The following SSBP3 variants were observed in gnomAD, a reference collection of about 807,000 sequenced individuals.
The protein encoded by SSBP3 is single-stranded DNA-binding protein 3.
A neutral mutation model predicts 69.6 loss-of-function variants in SSBP3; 5 were observed. That is an observed-to-expected ratio of 0.07 (90% CI 0.04 to 0.15). The LOEUF is 0.15. SSBP3 is among the 10% of genes least tolerant of loss of function. SSBP3 has a pLI of 1.00. For missense variants in SSBP3, 312 were observed against 534.0 expected, an observed-to-expected ratio of 0.58 and a Z score of 4.10; for synonymous variants, 196 against 193.4, an observed-to-expected ratio of 1.01 and a Z score of -0.11.
At chr1:54,352,531 C>T (rs1054417974) in intron 4 of SSBP3, among the ~76,000 whole-genome samples, 6 of 152,296 alleles carry the variant, frequency 3.9e-5, no homozygotes, top group East Asian at 1.9e-4. Context: ...CCTGCCTTCA[C>T]CTCCCAGCCT....
At chr1:54,251,276 C>T (rs1051889828) in intron 9 of SSBP3, among the ~76,000 whole-genome samples, 1 of 152,216 alleles carries the variant, frequency 6.6e-6, no homozygotes, top group African/African-American at 2.4e-5. Flanking sequence ...CCAGGGGAGG[C>T]AGCTCTGGGG....
chr1:54,290,684 C>A (rs1171438051), intron 4 of SSBP3, among the ~76,000 whole-genome samples: 1 of 152,178 alleles, frequency 6.6e-6, no homozygotes, highest in Admixed American at 6.5e-5. Context: ...TAATTAGTAC[C>A]TGGTGAGGGA....
chr1:54,374,497 G>A (rs1319518416), intron 4 of SSBP3, among the ~76,000 whole-genome samples: 1 of 152,202 alleles, frequency 6.6e-6, no homozygotes, highest in African/African-American at 2.4e-5. Context: ...CAGGAGAACT[G>A]ACACCAAACA....
intron 4 of SSBP3, among the ~76,000 whole-genome samples, chr1:54,393,710 T>C (rs1331956921): frequency 6.6e-6 from 1 of 152,210 alleles, no homozygotes; most frequent in Non-Finnish European, 1.5e-5. Context: ...CTATTATATA[T>C]TGTGTGTATA....
intron 4 of SSBP3, among the ~76,000 whole-genome samples, chr1:54,377,264 C>T (rs990293402): frequency 2.6e-5 from 4 of 152,342 alleles, no homozygotes; most frequent in African/African-American, 7.2e-5. Flanking sequence ...CCTCCCTTTC[C>T]CCACAAGGTC....
upstream of SSBP3, among the ~76,000 whole-genome samples, chr1:54,411,256 G>C (rs1380219127): frequency 1.3e-5 from 2 of 152,160 alleles, no homozygotes; most frequent in African/African-American, 2.4e-5. Context: ...AAGGCAGGCA[G>C]ATCATGAGGT....
intron 5 of SSBP3, among the ~76,000 whole-genome samples, chr1:54,280,383 T>A (rs1391065146): frequency 6.6e-6 from 1 of 152,202 alleles, no homozygotes; most frequent in Non-Finnish European, 1.5e-5. Flanking sequence ...GGTGCTAAAT[T>A]CTGGCCTATA....
intron 4 of SSBP3, among the ~76,000 whole-genome samples, chr1:54,365,456 T>C (rs74071679): frequency 0.016 from 2,448 of 152,300 alleles, 64 homozygotes; most frequent in African/African-American, 0.055. Flanking sequence ...AGTAATACTC[T>C]ACTATTTGAG....
chr1:54,401,180 G>T (rs532217570), intron 4 of SSBP3, among the ~76,000 whole-genome samples: 107 of 152,276 alleles, frequency 7.0e-4, no homozygotes, highest in Non-Finnish European at 1.3e-3. Flanking sequence ...ATGAATAGAT[G>T]GCAGACAACC....
intron 4 of SSBP3, among the ~76,000 whole-genome samples, chr1:54,326,978 G>A (rs765284710): frequency 6.6e-6 from 1 of 151,894 alleles, no homozygotes; most frequent in Non-Finnish European, 1.5e-5. Context: ...GTGGTGGTGG[G>A]TGGGGGGTGC....
chr1:54,243,188 G>C lies in SSBP3; in HGVS notation c.716+47C>G, dbSNP rs371583840. On this transcript the variant is annotated intron_variant, in intron 10 of 17. Transcript: ENST00000610401. ...CTCCCAGGGTGCTGGCAGAGGGTGG[G>C]GGAAGACCTGGACTCTGAGCCACGG... is the stretch of plus-strand genomic sequence containing the variant. The C allele has an allele frequency of 1.1e-5, 17 of 1,578,686 alleles. No homozygotes were observed. In the African/African-American group the frequency reaches 2.3e-4, roughly 21 times the overall value.
intron 4 of SSBP3, among the ~76,000 whole-genome samples, chr1:54,327,217 AAAGGAAGGAAGGAAGG>A (rs55892071): frequency 0.13 from 17,309 of 134,098 alleles, 1,280 homozygotes; most frequent in East Asian, 0.23. Flanking sequence ...AAGAGAGGGA[AAAGGAAGGAAGGAAGG>A]AAGGAAGGAA....
intron 4 of SSBP3, among the ~76,000 whole-genome samples, chr1:54,398,337 C>G (rs1649042281): frequency 6.6e-6 from 1 of 152,236 alleles, no homozygotes; most frequent in African/African-American, 2.4e-5. Flanking sequence ...TCTCTAGTCT[C>G]TTTGGCTCAA....
At chr1:54,338,316 G>C (rs758783885) in intron 4 of SSBP3, among the ~76,000 whole-genome samples, 11 of 152,206 alleles carry the variant, frequency 7.2e-5, no homozygotes, top group Non-Finnish European at 1.0e-4. Context: ...TCCCCAACTA[G>C]ACTGTAAAAT....
chr1:54,371,369 A>G (rs12043425), intron 4 of SSBP3, among the ~76,000 whole-genome samples: 15,594 of 152,294 alleles, frequency 0.1, 1,049 homozygotes, highest in East Asian at 0.28. Context: ...CCATGTGTGC[A>G]TGAACATGTC....
intron 4 of SSBP3, among the ~76,000 whole-genome samples, chr1:54,348,973 C>CCCG (rs1339665207): frequency 1.3e-5 from 2 of 152,198 alleles, no homozygotes; most frequent in Non-Finnish European, 2.9e-5. Context: ...AAAAACCCAG[C>CCCG]CCGATGACCA....
chr1:54,266,854 G>C (rs1353126224), intron 5 of SSBP3, among the ~76,000 whole-genome samples: 1 of 152,182 alleles, frequency 6.6e-6, no homozygotes, highest in Admixed American at 6.5e-5. Flanking sequence ...CTGGTCTCTT[G>C]GCCACTGCTC....
intron 4 of SSBP3, among the ~76,000 whole-genome samples, chr1:54,364,262 A>G (rs1411919266): frequency 6.6e-6 from 1 of 152,194 alleles, no homozygotes; most frequent in Non-Finnish European, 1.5e-5. Context: ...AGCCTGAAAT[A>G]TTTACTCTCT....
chr1:54,407,107 A>T (rs556803323), upstream of SSBP3, among the ~76,000 whole-genome samples: 5 of 151,920 alleles, frequency 3.3e-5, no homozygotes, highest in Non-Finnish European at 5.9e-5. Flanking sequence ...GGAAAACCCC[A>T]AAGTGGAGCC....
Sources: gnomAD v4.1 joint callset for allele counts (sites outside exome capture counted in the v4.1 genomes callset) on GRCh38, gnomAD v4.1.1 for gene constraint, MANE v1.5 for transcripts, NCBI Gene and HGNC (gene_info 2026-07-23, HGNC 2026-07-21) for gene names.